USH2A: variants seen among roughly 807,000 people sequenced by gnomAD.
USH2A encodes the protein Usher syndrome 2A (autosomal recessive, mild).
USH2A carries 443 observed loss-of-function variants against 538.9 expected under a neutral mutation model. The ratio of observed to expected loss-of-function variants is 0.82; its 90% CI spans 0.76 to 0.89. The LOEUF is 0.89. Among genes scored for constraint, USH2A ranks in the 40% least tolerant of loss-of-function variants. The pLI, the probability that USH2A is intolerant of heterozygous loss-of-function variation, is 0.00. For missense variants in USH2A, 6,633 were observed against 6,324.8 expected (o/e 1.05, Z -1.65); for synonymous variants, 2,413 against 2,273.5 (o/e 1.06, Z -1.75).
At chr1:215,627,367 C>CCCTCCCTCCCTT in intron 71 of USH2A, among the ~76,000 whole-genome samples, 1 of 139,084 alleles carries the variant, frequency 7.2e-6, no homozygotes, top group African/African-American at 2.6e-5. Context: ...TTCTCTCCCT[C>CCCTCCCTCCCTT]CCTCCCTCCC....
chr1:215,733,955 C>A (rs977606719), intron 60 of USH2A, among the ~76,000 whole-genome samples: 1 of 152,170 alleles, frequency 6.6e-6, no homozygotes, highest in African/African-American at 2.4e-5. Flanking sequence ...GAGAAGTGGC[C>A]CCCTTCCCAC....
rs1571913517 is a variant in USH2A at position 215,627,469 on chromosome 1, CTTCCTTCCTTCCTTCT to C, written c.15519+1329_15519+1344del. ...CCTTCCTTCCTTCCTTCCTTCCTTC[CTTCCTTCCTTCCTTCT>C]TTCCTTCCTTCCTTCCTTCTTTCCT... On this transcript the variant is annotated intron_variant, in intron 71 of 71. Transcript: ENST00000307340. 3.5e-4 allele frequency among the ~76,000 whole-genome samples: 48 copies of C among 138,086 alleles called. 1 individual carries two copies. The highest frequency in any genetic ancestry group is 9.9e-4 in the South Asian group (4 of 4,054). 90.6% of individuals were successfully genotyped at this position (138,086 alleles called of 152,430 possible). A position where few individuals can be genotyped will look rare whatever the true frequency, so the allele number is the denominator to read the frequency against.
chr1:216,343,085 G>C (rs1357824111), intron 4 of USH2A, among the ~76,000 whole-genome samples: 2 of 151,912 alleles, frequency 1.3e-5, no homozygotes, highest in Non-Finnish European at 2.9e-5. Flanking sequence ...CTGTGTCCTT[G>C]AAAACTAAAA....
intron 11 of USH2A, among the ~76,000 whole-genome samples, chr1:216,281,700 T>C (rs1442877192): frequency 6.6e-6 from 1 of 152,154 alleles, no homozygotes; most frequent in Non-Finnish European, 1.5e-5. Context: ...GGATATATGA[T>C]ACATACAGAG....
At chr1:215,665,067 A>C (rs1231222141) in intron 64 of USH2A, among the ~76,000 whole-genome samples, 6 of 152,166 alleles carry the variant, frequency 3.9e-5, no homozygotes. Context: ...ATCGCCAACG[A>C]TTTGGTAGCC....
At position 215,629,020 on chromosome 1, in the gene USH2A, T is replaced by C. The variant is rs1656169768; in HGVS notation, c.15313A>G (p.Lys5105Glu). ...GENHMGLADT[K>E]IPRSGTPVSI... ...ACAGGTGTCCCAGACCGGGGAATTT[T>C]GGTATCGGCTAACCCCTGAGAAGGA... The change falls in exon 71 of 72, where the codon AAA (lysine) becomes GAA (glutamate). Residue 5105 changes from lysine (K) to glutamate (E), a missense_variant. Coordinates refer to ENST00000307340, the MANE Select transcript of USH2A (RefSeq NM_206933.4). The C allele has an allele frequency of 1.2e-6, 2 of 1,612,988 alleles. No individual in the cohort carries two copies. The highest frequency in any genetic ancestry group is 1.3e-5 in the African/African-American group (1 of 74,898).
chr1:215,733,510 T>A (rs1371238566), intron 60 of USH2A, among the ~76,000 whole-genome samples: 1 of 152,232 alleles, frequency 6.6e-6, no homozygotes, highest in Non-Finnish European at 1.5e-5. Flanking sequence ...TTTAACTGAT[T>A]ACAGCATTAA....
At chr1:215,747,616 C>A (rs73088872) in intron 58 of USH2A, among the ~76,000 whole-genome samples, 1,703 of 152,184 alleles carry the variant, frequency 0.011, 26 homozygotes, top group African/African-American at 0.039. Context: ...TCTTCCTCTC[C>A]GCAAAAAGTA....
intron 38 of USH2A, 55 bp downstream of exon 38, chr1:215,934,561 C>T: frequency 1.3e-6 from 2 of 1,567,378 alleles, no homozygotes; most frequent in Middle Eastern, 1.7e-4. Context: ...TCAATGGAAA[C>T]TTAATTCTAG....
chr1:215,919,282 G>A (rs1168549058), intron 38 of USH2A, among the ~76,000 whole-genome samples: 1 of 152,046 alleles, frequency 6.6e-6, no homozygotes, highest in Non-Finnish European at 1.5e-5. Flanking sequence ...CATAGGGAAG[G>A]AAACAACTGT....
chr1:216,221,901 G>T (rs1447865353), intron 14 of USH2A, among the ~76,000 whole-genome samples: 9 of 152,296 alleles, frequency 5.9e-5, no homozygotes, highest in African/African-American at 2.2e-4. Context: ...AAAGTCAAAA[G>T]ACTGCAACTT....
chr1:216,211,460 A>G (rs939447757), intron 15 of USH2A, among the ~76,000 whole-genome samples: 7 of 152,206 alleles, frequency 4.6e-5, no homozygotes, highest in East Asian at 1.9e-4. Context: ...GTGTGAGAAC[A>G]GAGGGGGAAA....
At chr1:216,191,953 C>T (rs1430954350) in intron 19 of USH2A, among the ~76,000 whole-genome samples, 1 of 151,938 alleles carries the variant, frequency 6.6e-6, no homozygotes, top group South Asian at 2.1e-4. Flanking sequence ...TTATAAATTA[C>T]ATTATTTTAA....
intron 61 of USH2A, among the ~76,000 whole-genome samples, chr1:215,705,981 T>C (rs1659173610): frequency 6.6e-6 from 1 of 152,198 alleles, no homozygotes; most frequent in Non-Finnish European, 1.5e-5. Flanking sequence ...ATGAGTGCTT[T>C]TCAAGTACTT....
intron 61 of USH2A, among the ~76,000 whole-genome samples, chr1:215,695,823 C>T (rs1658792629): frequency 1.3e-5 from 2 of 152,078 alleles, no homozygotes. Flanking sequence ...ACGATCTTGG[C>T]CACTGCAACC....
intron 61 of USH2A, among the ~76,000 whole-genome samples, chr1:215,713,335 A>G (rs1360072978): frequency 1.3e-5 from 2 of 152,190 alleles, no homozygotes; most frequent in Non-Finnish European, 2.9e-5. Flanking sequence ...AAGGCATACA[A>G]TGAGTAAAAA....
chr1:215,972,342 G>A (rs1004793086), intron 35 of USH2A, among the ~76,000 whole-genome samples: 4 of 152,128 alleles, frequency 2.6e-5, no homozygotes, highest in Admixed American at 2.0e-4. Context: ...CTGCCTCTTC[G>A]GTAGTGGAAT....
chr1:216,083,484 T>C lies in USH2A; in HGVS notation c.5270A>G (p.Tyr1757Cys). 6.2e-7 allele frequency: 1 copy of C among 1,612,298 alleles called. No homozygotes were observed. Among genetic ancestry groups the C allele is most frequent in the Non-Finnish European group, 8.5e-7 (1 of 1,179,174 alleles). ...AAGAAAATCAGGTCCATCTTTGTTA[T>C]AAACGAAAAGAAGCAATCCATTTAA... ...DQLNGLLLFV[Y>C]NKDGPDFLAM... The change falls in exon 26 of 72, where the codon TAT becomes TGT. Residue 1757 changes from tyrosine to cysteine, a missense_variant. Tyr to Cys is a radical substitution (Grantham distance 194). Transcript: ENST00000307340.
intron 13 of USH2A, among the ~76,000 whole-genome samples, chr1:216,239,424 A>G (rs985486792): frequency 6.6e-6 from 1 of 152,188 alleles, no homozygotes; most frequent in East Asian, 1.9e-4. Context: ...GAAAATATAT[A>G]GGGAGCACTG....
Sources: gnomAD v4.1 joint callset for allele counts (sites outside exome capture counted in the v4.1 genomes callset) on GRCh38, gnomAD v4.1.1 for gene constraint, MANE v1.5 for transcripts, NCBI Gene and HGNC (gene_info 2026-07-23, HGNC 2026-07-21) for gene names.